Variants in AFF3 observed in about 807,000 individuals in gnomAD.
The protein encoded by AFF3 is AF4/FMR2 family member 3.
A neutral mutation model predicts 129.7 loss-of-function variants in AFF3; 32 were observed. The observed-to-expected ratio is 0.25, with a 90% confidence interval of 0.19 to 0.33. The LOEUF (loss-of-function observed/expected upper bound fraction) is 0.33. Among genes scored for constraint, AFF3 ranks in the 10% least tolerant of loss-of-function variants. The pLI, the probability that AFF3 is intolerant of heterozygous loss-of-function variation, is 1.00. For missense variants in AFF3, 1,373 were observed against 1,592.0 expected (o/e 0.86, Z 2.34); for synonymous variants, 644 against 635.4 (o/e 1.01, Z -0.20).
chr2:99,859,577 C>T (rs555821467), intron 7 of AFF3, among the ~76,000 whole-genome samples: 1 of 152,316 alleles, frequency 6.6e-6, no homozygotes, highest in African/African-American at 2.4e-5. Flanking sequence ...TATCCACCAT[C>T]ATCTAGAAAT....
At chr2:100,116,782 T>C (rs953467595) in intron 2 of AFF3, among the ~76,000 whole-genome samples, 1 of 152,174 alleles carries the variant, frequency 6.6e-6, no homozygotes, top group African/African-American at 2.4e-5. Flanking sequence ...CCTCTGGTCT[T>C]CCATTTAGGA....
intron 7 of AFF3, among the ~76,000 whole-genome samples, chr2:99,977,184 T>C (rs999993746): frequency 3.9e-5 from 6 of 152,196 alleles, no homozygotes; most frequent in Admixed American, 6.5e-5. Flanking sequence ...TTACCACTGA[T>C]GGTCCCTTCA....
intron 8 of AFF3, among the ~76,000 whole-genome samples, chr2:99,783,388 A>G (rs1410953910): frequency 6.6e-6 from 1 of 152,202 alleles, no homozygotes; most frequent in African/African-American, 2.4e-5. Context: ...TAGACAATGC[A>G]AACGAGAGGG....
chr2:99,620,312 C>T (rs1003608237), intron 13 of AFF3, among the ~76,000 whole-genome samples: 3 of 152,050 alleles, frequency 2.0e-5, no homozygotes, highest in East Asian at 3.9e-4. Context: ...TAATACCCTT[C>T]GATAAATGTA....
intron 7 of AFF3, among the ~76,000 whole-genome samples, chr2:99,850,119 CTTGTA>C (rs2105864575): frequency 6.6e-6 from 1 of 152,236 alleles, no homozygotes; most frequent in Admixed American, 6.5e-5. Context: ...GGGCTTTATG[CTTGTA>C]ATCTGTCTGT....
chr2:99,668,858 G>A (rs1405166949), intron 12 of AFF3, among the ~76,000 whole-genome samples: 3 of 152,132 alleles, frequency 2.0e-5, no homozygotes, highest in South Asian at 2.1e-4. Context: ...CACTGTGGCC[G>A]ACCTAACATC....
chr2:99,874,872 T>G (rs1377640241), intron 7 of AFF3, among the ~76,000 whole-genome samples: 1 of 152,236 alleles, frequency 6.6e-6, no homozygotes, highest in Admixed American at 6.5e-5. Flanking sequence ...GCATGATGTC[T>G]GCAAGTTACT....
At chr2:99,889,912 A>T (rs1175301698) in intron 7 of AFF3, among the ~76,000 whole-genome samples, 2 of 152,130 alleles carry the variant, frequency 1.3e-5, no homozygotes, top group Non-Finnish European at 2.9e-5. Context: ...CACCTGCCTC[A>T]GCCTCCCAAA....
At chr2:100,028,743 A>G (rs1684248181) in intron 4 of AFF3, among the ~76,000 whole-genome samples, 1 of 152,178 alleles carries the variant, frequency 6.6e-6, no homozygotes, top group Non-Finnish European at 1.5e-5. Context: ...GGCTACTCTC[A>G]AAAAACAGAA....
rs576657185 is a variant in AFF3 at position 100,113,039 on chromosome 2, C to T, written c.-144-7456G>A. 4.6e-5 allele frequency among the ~76,000 whole-genome samples: 7 copies of T among 152,334 alleles called. No individual in the cohort carries two copies. The South Asian group carries it at 1.0e-3, about 23-fold the overall frequency. ...CATCCTCTTGGACTTGACTGAGTGT[C>T]AGCCCAAATCCCCATGCTGTCATCT... On this transcript the variant is annotated intron_variant, in intron 2 of 24. Coordinates refer to ENST00000672756, the MANE Select transcript of AFF3 (RefSeq NM_001386135.1).
intron 12 of AFF3, among the ~76,000 whole-genome samples, chr2:99,656,473 T>C (rs1685757831): frequency 5.3e-5 from 8 of 152,226 alleles, no homozygotes. Flanking sequence ...TCTTAGTTTG[T>C]GTTTTGCTGT....
chr2:99,593,170 G>A (rs1185317501), intron 15 of AFF3, 25 bp downstream of exon 15: 4 of 1,534,546 alleles, frequency 2.6e-6, no homozygotes, highest in South Asian at 2.5e-5. Flanking sequence ...CCACGCCCCC[G>A]CACCCCAGTC....
chr2:99,597,850 C>T (rs545540490), intron 14 of AFF3, among the ~76,000 whole-genome samples: 115 of 152,350 alleles, frequency 7.5e-4, no homozygotes, highest in African/African-American at 2.4e-3. Context: ...ACTCTCCTCC[C>T]TAATTGATCT....
chr2:100,066,401 A>T (rs1185822497), intron 4 of AFF3, among the ~76,000 whole-genome samples: 1 of 152,172 alleles, frequency 6.6e-6, no homozygotes, highest in African/African-American at 2.4e-5. Context: ...AGACACAGGG[A>T]ACTGAGCTGA....
intron 7 of AFF3, among the ~76,000 whole-genome samples, chr2:99,840,981 G>A (rs552064105): frequency 6.6e-6 from 1 of 152,136 alleles, no homozygotes; most frequent in Non-Finnish European, 1.5e-5. Flanking sequence ...TGCTGGCAGG[G>A]CAAATGCTGA....
intron 7 of AFF3, among the ~76,000 whole-genome samples, chr2:99,874,174 C>T (rs953442795): frequency 6.6e-6 from 1 of 151,990 alleles, no homozygotes; most frequent in African/African-American, 2.4e-5. Context: ...TAGACTCCGT[C>T]TCAAAAAAAA....
intron 4 of AFF3, among the ~76,000 whole-genome samples, chr2:100,090,459 T>G (rs2105406067): frequency 6.6e-6 from 1 of 152,290 alleles, no homozygotes; most frequent in Non-Finnish European, 1.5e-5. Flanking sequence ...TTTTAAATAC[T>G]AACAAAAACA....
intron 7 of AFF3, among the ~76,000 whole-genome samples, chr2:99,942,199 G>C (rs73964370): frequency 0.022 from 3,306 of 152,190 alleles, 64 homozygotes; most frequent in Middle Eastern, 0.051. Context: ...AGCAAATGAC[G>C]ATCTGCTGGA....
intron 2 of AFF3, among the ~76,000 whole-genome samples, chr2:100,125,086 A>G (rs890219814): frequency 1.3e-5 from 2 of 152,360 alleles, no homozygotes; most frequent in South Asian, 2.1e-4. Flanking sequence ...TAGAACGTGG[A>G]GAAGAGGAGA....
Sources: gnomAD v4.1 joint callset for allele counts (sites outside exome capture counted in the v4.1 genomes callset) on GRCh38, gnomAD v4.1.1 for gene constraint, MANE v1.5 for transcripts, NCBI Gene and HGNC (gene_info 2026-07-23, HGNC 2026-07-21) for gene names.